The following SGK3 variants were observed in gnomAD, a reference collection of about 807,000 sequenced individuals.
SGK3 encodes the protein serine/threonine-protein kinase Sgk3.
In SGK3, 47 loss-of-function variants were observed where a neutral mutation model predicts 68.5. That is an observed-to-expected ratio of 0.69 (90% confidence interval 0.54 to 0.87). The LOEUF is 0.87. SGK3 is among the 40% of genes least tolerant of loss of function. The pLI is 0.00. For synonymous variants in SGK3, 181 were observed against 189.1 expected, an observed-to-expected ratio of 0.96 and a Z score of 0.35; for missense variants, 479 against 575.5, an observed-to-expected ratio of 0.83 and a Z score of 1.72.
At chr8:66,841,235 A>G in intron 13 of SGK3, 125 bp downstream of exon 13, 2 of 717,722 alleles carry the variant, frequency 2.8e-6, no homozygotes, top group Non-Finnish European at 2.0e-6. Context: ...GCTTCCAGCC[A>G]GCTGGAAATA....
Position 66,856,464 on chromosome 8 carries a change from AT to A in SGK3, c.1321-2942del, listed in dbSNP as rs199712012. On this transcript the variant is annotated intron_variant, in intron 16 of 16. Coordinates refer to ENST00000521198, the MANE Select transcript of SGK3 (RefSeq NM_001033578.3). Reference sequence around the variant, plus strand: ...TTTTGGATTTGGGATTGTTTTTTGGATTTTTGGATTTACTTACTGATTGAGC... The same window carrying A: ...TTTTGGATTTGGGATTGTTTTTTGGATTTTGGATTTACTTACTGATTGAGC... Among the ~76,000 whole-genome samples, 682 of 152,106 alleles carry A rather than the reference AT, an allele frequency of 4.5e-3. 6 individuals are homozygous for A. Among genetic ancestry groups the A allele is most frequent in the African/African-American group, 0.015 (630 of 41,490 alleles).
rs200392894 is a variant in SGK3 at position 66,771,532 on chromosome 8, C to T, written c.-121-22084C>T. Reference sequence around the variant, plus strand: ...CTTAATAGGACATAGAGCTTGCTAACATAGGGAATTTACTGTGATTCAAGG... The same window carrying T: ...CTTAATAGGACATAGAGCTTGCTAATATAGGGAATTTACTGTGATTCAAGG... On this transcript the variant is annotated intron_variant, in intron 1 of 16. Transcript: ENST00000521198. Among the ~76,000 whole-genome samples the T allele has an allele frequency of 6.6e-5, 10 of 152,318 alleles. No homozygotes were observed. In the East Asian group the frequency reaches 1.7e-3, roughly 26 times the overall value.
intron 14 of SGK3, among the ~76,000 whole-genome samples, chr8:66,844,888 A>G (rs1809945477): frequency 6.6e-6 from 1 of 152,214 alleles, no homozygotes; most frequent in African/African-American, 2.4e-5. Context: ...TAAAAGATCT[A>G]GTTTTCTGGT....
intron 4 of SGK3, 85 bp from the exon 5 acceptor site, chr8:66,813,768 T>C (rs979464209): frequency 3.3e-6 from 4 of 1,199,070 alleles, no homozygotes; most frequent in Non-Finnish European, 4.4e-6. Flanking sequence ...AAATTCACTA[T>C]CTTGTGCTTG....
In SGK3 at chr8:66,808,756, C is replaced by T. The variant is rs1808264347; in HGVS notation, c.253+4309C>T. 2.0e-5 allele frequency among the ~76,000 whole-genome samples: 3 copies of T among 151,984 alleles called. No individual in the cohort carries two copies. The South Asian group carries it at 6.2e-4, about 32-fold the overall frequency. On this transcript the variant is annotated intron_variant, in intron 4 of 16. Coordinates refer to ENST00000521198, the MANE Select transcript of SGK3 (RefSeq NM_001033578.3). ...CGAACTCCTGACCTCAGGTGATCCACCCACCTTAGCCTCCCAAAGTGCTGT... is the reference window on the plus strand; with the variant it reads ...CGAACTCCTGACCTCAGGTGATCCATCCACCTTAGCCTCCCAAAGTGCTGT...
intron 1 of SGK3, among the ~76,000 whole-genome samples, chr8:66,781,042 C>A (rs947384273): frequency 1.3e-5 from 2 of 152,154 alleles, no homozygotes; most frequent in Admixed American, 6.5e-5. Flanking sequence ...CCAGCTTGAC[C>A]GCAGGCCCCA....
At chr8:66,837,289 A>G (rs1809576523) in intron 10 of SGK3, among the ~76,000 whole-genome samples, 2 of 152,194 alleles carry the variant, frequency 1.3e-5, no homozygotes, top group Non-Finnish European at 2.9e-5. Flanking sequence ...AGGTATTGTC[A>G]TATCTTTACA....
chr8:66,793,567 A>G, intron 1 of SGK3, 49 bp from the exon 2 acceptor site: 2 of 576,410 alleles, frequency 3.5e-6, no homozygotes, highest in Admixed American at 3.3e-5. Context: ...CAGTCATAGT[A>G]TTTTAAAGTT....
rs533918417 is a variant in SGK3 at position 66,822,060 on chromosome 8, T to A, written c.330-312T>A. Among the ~76,000 whole-genome samples the A allele has an allele frequency of 6.6e-5, 10 of 151,900 alleles. 1 individual carries two copies. Among genetic ancestry groups the A allele is most frequent in the Admixed American group, 4.6e-4 (7 of 15,222 alleles). ...GCCAGGTAACGGACATAACGTGATA[T>A]CTCATTATCATTTTAACTTATATTT... On this transcript the variant is annotated intron_variant, in intron 5 of 16. Transcript: ENST00000521198.
intron 1 of SGK3, among the ~76,000 whole-genome samples, chr8:66,781,491 A>T (rs1050024776): frequency 6.6e-6 from 1 of 152,146 alleles, no homozygotes; most frequent in Non-Finnish European, 1.5e-5. Flanking sequence ...TGAGATTAGA[A>T]GCATGAGCCA....
intron 13 of SGK3, 102 bp from the exon 14 acceptor site, chr8:66,843,350 G>A (rs1158379244): frequency 8.5e-7 from 1 of 1,171,454 alleles, no homozygotes; most frequent in African/African-American, 1.6e-5. Flanking sequence ...TTTGGTTTCA[G>A]TATGATAGCA....
chr8:66,767,416 C>G (rs1193910733), intron 1 of SGK3: 2 of 1,314,144 alleles, frequency 1.5e-6, no homozygotes, highest in Admixed American at 3.4e-5. Context: ...TATGTCAGAG[C>G]AAACAGGTGG....
intron 3 of SGK3, among the ~76,000 whole-genome samples, chr8:66,803,831 A>G (rs577401208): frequency 6.7e-6 from 1 of 149,880 alleles, no homozygotes; most frequent in African/African-American, 2.5e-5. Context: ...TTTTTTTTTT[A>G]TTTTATTTTT....
At chr8:66,810,378 A>G (rs1352030545) in intron 4 of SGK3, among the ~76,000 whole-genome samples, 2 of 152,164 alleles carry the variant, frequency 1.3e-5, no homozygotes, top group African/African-American at 4.8e-5. Flanking sequence ...CCTTTTGTGT[A>G]CTTGTGAAGT....
At chr8:66,757,392 G>A (rs1294795686) in intron 1 of SGK3, among the ~76,000 whole-genome samples, 2 of 151,718 alleles carry the variant, frequency 1.3e-5, no homozygotes, top group Non-Finnish European at 2.9e-5. Context: ...TCCTGCCTAG[G>A]CCTCTCGAAG....
rs561716915 is a variant in SGK3 at position 66,731,830 on chromosome 8, G to C, written c.-122+18997G>C. On this transcript the variant is annotated intron_variant, in intron 1 of 16. Transcript: ENST00000521198. ...ATTACAGGCGTGAGCCACCGCACCC[G>C]GCCGGGTATTAACATTTAAATGTAA... is the stretch of plus-strand genomic sequence containing the variant. 3.9e-5 allele frequency among the ~76,000 whole-genome samples: 6 copies of C among 152,236 alleles called. No individual in the cohort carries two copies. In the South Asian group the frequency reaches 1.2e-3, roughly 32 times the overall value.
intron 5 of SGK3, among the ~76,000 whole-genome samples, chr8:66,814,517 A>G (rs1357147546): frequency 6.6e-6 from 1 of 152,244 alleles, no homozygotes; most frequent in Non-Finnish European, 1.5e-5. Flanking sequence ...CTGAACCGTC[A>G]GGACACTTAA....
At chr8:66,726,619 A>T (rs759439215) in intron 1 of SGK3, among the ~76,000 whole-genome samples, 21 of 152,060 alleles carry the variant, frequency 1.4e-4, no homozygotes, top group Admixed American at 3.3e-4. Context: ...TATGTATTTT[A>T]TACCTAATAG....
chr8:66,751,913 A>G (rs1470510434), intron 1 of SGK3, among the ~76,000 whole-genome samples: 6 of 151,926 alleles, frequency 3.9e-5, no homozygotes, highest in Non-Finnish European at 8.8e-5. Flanking sequence ...TTGGAGGCAT[A>G]AGCCACCACA....
Sources: allele counts gnomAD v4.1 joint callset (sites outside exome capture counted in the v4.1 genomes callset), GRCh38; gene constraint gnomAD v4.1.1; transcripts MANE v1.5; gene names NCBI Gene and HGNC (gene_info 2026-07-23, HGNC 2026-07-21).